Variants in FOXN2 observed in about 807,000 individuals in gnomAD.
FOXN2 encodes forkhead box N2.
Under a neutral mutation model 41.2 loss-of-function variants are expected in FOXN2, and 19 were observed. The observed-to-expected ratio is 0.46, with a 90% CI of 0.32 to 0.68. The LOEUF (loss-of-function observed/expected upper bound fraction) is 0.68. FOXN2 is among the 30% of genes least tolerant of loss of function. FOXN2 has a pLI of 0.03. For synonymous variants in FOXN2, 195 were observed against 176.8 expected, an observed-to-expected ratio of 1.10 and a Z score of -0.82; for missense variants, 587 against 509.4, an observed-to-expected ratio of 1.15 and a Z score of -1.47.
intron 3 of FOXN2, among the ~76,000 whole-genome samples, chr2:48,350,392 C>T (rs1040821160): frequency 2.0e-5 from 3 of 152,218 alleles, no homozygotes; most frequent in African/African-American, 7.2e-5. Flanking sequence ...TGCCTTTCTT[C>T]TAGTGGCACA....
intron 1 of FOXN2, among the ~76,000 whole-genome samples, chr2:48,324,148 A>AGT (rs1317995309): frequency 6.6e-6 from 1 of 152,012 alleles, no homozygotes; most frequent in African/African-American, 2.4e-5. Flanking sequence ...TGGAAAACAT[A>AGT]GTATAACGCA....
intron 5 of FOXN2, among the ~76,000 whole-genome samples, chr2:48,367,938 G>T (rs1672634192): frequency 6.6e-6 from 1 of 152,160 alleles, no homozygotes. Context: ...CACCTCCTGG[G>T]TTCAAGTGAT....
intron 3 of FOXN2, 46 bp from the exon 4 acceptor site, chr2:48,359,001 G>A: frequency 7.1e-7 from 1 of 1,401,586 alleles, no homozygotes; most frequent in Non-Finnish European, 1.0e-6. Flanking sequence ...GACGCTGACT[G>A]TTTATGTATA....
At chr2:48,346,831 G>A (rs769149019) in intron 3 of FOXN2, 80 bp downstream of exon 3, 44 of 1,230,882 alleles carry the variant, frequency 3.6e-5, no homozygotes, top group Admixed American at 1.1e-4. Context: ...TCTGGAAATC[G>A]GGGAGACAAT....
intron 4 of FOXN2, among the ~76,000 whole-genome samples, chr2:48,361,399 A>T (rs1672173794): frequency 6.6e-6 from 1 of 151,716 alleles, no homozygotes; most frequent in South Asian, 2.1e-4. Flanking sequence ...CCCAGGAGGC[A>T]GAGGTTGCAG....
At chr2:48,327,146 G>A (rs62138813) in intron 1 of FOXN2, among the ~76,000 whole-genome samples, 2,725 of 151,730 alleles carry the variant, frequency 0.018, 37 homozygotes, top group Middle Eastern at 0.031. Context: ...GTCCTACTTG[G>A]ATATCTCACA....
intron 1 of FOXN2, among the ~76,000 whole-genome samples, chr2:48,318,495 C>T (rs557579019): frequency 8.2e-4 from 125 of 152,314 alleles, no homozygotes; most frequent in African/African-American, 2.8e-3. Flanking sequence ...CATGATAAAA[C>T]TGATGACGCT....
intron 2 of FOXN2, among the ~76,000 whole-genome samples, chr2:48,329,831 A>G (rs575006300): frequency 6.6e-6 from 1 of 152,186 alleles, no homozygotes; most frequent in East Asian, 1.9e-4. Context: ...CCTTCCTTTT[A>G]TATGCCTTTT....
chr2:48,316,233 T>G (rs1443037848), intron 1 of FOXN2, among the ~76,000 whole-genome samples: 1 of 152,152 alleles, frequency 6.6e-6, no homozygotes. Context: ...TATACCGACG[T>G]TTTTTGCCGT....
chr2:48,352,001 A>G (rs1408083483), intron 3 of FOXN2, among the ~76,000 whole-genome samples: 3 of 152,216 alleles, frequency 2.0e-5, no homozygotes, highest in African/African-American at 7.2e-5. Flanking sequence ...GTGGAAAAGC[A>G]GAGTGATCCA....
At chr2:48,338,411 T>G (rs1451924205) in intron 2 of FOXN2, among the ~76,000 whole-genome samples, 1 of 151,870 alleles carries the variant, frequency 6.6e-6, no homozygotes, top group Non-Finnish European at 1.5e-5. Flanking sequence ...TTTTTTTTTT[T>G]GAGACGGAAT....
intron 4 of FOXN2, among the ~76,000 whole-genome samples, chr2:48,360,956 A>G (rs530551256): frequency 7.3e-5 from 11 of 151,488 alleles, no homozygotes; most frequent in South Asian, 2.1e-4. Context: ...AGATGTTGCA[A>G]TGAGCCAAGA....
chr2:48,343,550 A>G (rs1159205677), intron 2 of FOXN2, among the ~76,000 whole-genome samples: 4 of 152,026 alleles, frequency 2.6e-5, no homozygotes, highest in South Asian at 4.1e-4. Flanking sequence ...CTTGAGGCCA[A>G]TTGTTTGAGA....
At position 48,375,623 on chromosome 2, in the gene FOXN2, G is replaced by C. The variant is rs1673205296; in HGVS notation, c.*180G>C. On this transcript the variant is annotated 3_prime_UTR_variant, in exon 7 of 7. Transcript: ENST00000340553. Reference sequence around the variant, plus strand: ...AACAATTGCTGTTAGGATCATGCCTGATCAGAAATACATGATGTGAAGTCC... The same window carrying C: ...AACAATTGCTGTTAGGATCATGCCTCATCAGAAATACATGATGTGAAGTCC... 1.7e-6 allele frequency: 1 copy of C among 573,110 alleles called. No homozygotes were observed. Among genetic ancestry groups the C allele is most frequent in the Admixed American group, 3.2e-5 (1 of 30,804 alleles). The allele number at this position is 573,110 out of a possible 1,614,324, so 35.5% of individuals were successfully genotyped here.
intron 1 of FOXN2, among the ~76,000 whole-genome samples, 168 bp from the exon 2 acceptor site, chr2:48,328,393 T>G (rs1317269388): frequency 6.6e-6 from 1 of 152,228 alleles, no homozygotes; most frequent in African/African-American, 2.4e-5. Context: ...TTCCATATAC[T>G]GTACTTTAAG....
intron 1 of FOXN2, among the ~76,000 whole-genome samples, chr2:48,327,827 A>G (rs1401051798): frequency 6.6e-6 from 1 of 152,232 alleles, no homozygotes; most frequent in Non-Finnish European, 1.5e-5. Context: ...TATGAGGTTA[A>G]TGTAGCCCTA....
At chr2:48,320,023 A>T (rs1234959968) in intron 1 of FOXN2, among the ~76,000 whole-genome samples, 2 of 151,860 alleles carry the variant, frequency 1.3e-5, no homozygotes, top group Admixed American at 6.6e-5. Context: ...GAGGAAATTG[A>T]CACATTTATA....
At chr2:48,346,913 T>C (rs1671142476) in intron 3 of FOXN2, among the ~76,000 whole-genome samples, 162 bp downstream of exon 3, 1 of 152,214 alleles carries the variant, frequency 6.6e-6, no homozygotes, top group African/African-American at 2.4e-5. Context: ...TGTTTTAAAA[T>C]TTCTTAAATA....
intron 2 of FOXN2, among the ~76,000 whole-genome samples, chr2:48,344,456 G>T (rs886715975): frequency 6.6e-6 from 1 of 152,150 alleles, no homozygotes; most frequent in Non-Finnish European, 1.5e-5. Context: ...TTTGTTTCTG[G>T]AGTCAGTCTG....
Sources: allele counts gnomAD v4.1 joint callset (sites outside exome capture counted in the v4.1 genomes callset), GRCh38; gene constraint gnomAD v4.1.1; transcripts MANE v1.5; gene names NCBI Gene and HGNC (gene_info 2026-07-23, HGNC 2026-07-21).